The following ARHGEF3 variants were observed in gnomAD, a reference collection of about 807,000 sequenced individuals.
ARHGEF3 encodes Rho guanine nucleotide exchange factor 3, also known as 59.8 kDA protein.
ARHGEF3 carries 28 observed loss-of-function variants against 63.2 expected under a neutral mutation model. The observed-to-expected ratio is 0.44, with a 90% CI of 0.33 to 0.61. The LOEUF (loss-of-function observed/expected upper bound fraction) is 0.61. Ranked by LOEUF, ARHGEF3 falls within the 20% of genes least tolerant of loss-of-function variation. ARHGEF3 has a pLI of 0.03. For missense variants in ARHGEF3, 533 were observed against 659.3 expected, an observed-to-expected ratio of 0.81 and a Z score of 2.10; for synonymous variants, 266 against 254.2, an observed-to-expected ratio of 1.05 and a Z score of -0.44.
intron 2 of ARHGEF3, among the ~76,000 whole-genome samples, chr3:56,991,818 T>A (rs1701755985): frequency 6.6e-6 from 1 of 152,166 alleles, no homozygotes; most frequent in Admixed American, 6.5e-5. Flanking sequence ...TTTCACCATG[T>A]TGGCCAGGCT....
chr3:56,755,260 A>C (rs1578420921), intron 2 of ARHGEF3, 109 bp from the exon 3 acceptor site: 1 of 1,276,184 alleles, frequency 7.8e-7, no homozygotes. Flanking sequence ...TGAAAGAAAA[A>C]GAGGACATTG....
intron 3 of ARHGEF3, among the ~76,000 whole-genome samples, chr3:56,942,979 G>C (rs984491322): frequency 3.9e-5 from 6 of 152,210 alleles, no homozygotes; most frequent in Admixed American, 2.6e-4. Context: ...ACAGAGGTTG[G>C]TTAGTTCATG....
chr3:56,802,651 C>G (rs1191782497), upstream of ARHGEF3, among the ~76,000 whole-genome samples: 1 of 152,128 alleles, frequency 6.6e-6, no homozygotes, highest in Non-Finnish European at 1.5e-5. Context: ...CAGAGGCTGC[C>G]TGACACTCGA....
At chr3:57,001,997 C>T (rs1702214905) in intron 2 of ARHGEF3, among the ~76,000 whole-genome samples, 1 of 139,868 alleles carries the variant, frequency 7.1e-6, no homozygotes, top group African/African-American at 2.6e-5. Context: ...GATCTCGGCT[C>T]ACTGCAAGCT....
chr3:56,733,981 T>C (rs1218765789), intron 8 of ARHGEF3, among the ~76,000 whole-genome samples: 5 of 102,732 alleles, frequency 4.9e-5, no homozygotes, highest in Non-Finnish European at 9.2e-5. Flanking sequence ...CAAAATTCTG[T>C]CTCAAAAAAA....
chr3:57,032,139 C>T lies in ARHGEF3; in HGVS notation c.62+2949G>A, dbSNP rs563277313. On this transcript the variant is annotated intron_variant, in intron 2 of 12. Coordinates refer to the ARHGEF3 transcript ENST00000338458. ...CCTGCACAGCTCAGTTTATGCACTC[C>T]CCATAAGGAAGTATATGTAATCCCC... Among the ~76,000 whole-genome samples the T allele has an allele frequency of 7.9e-5, 12 of 152,136 alleles. No homozygotes were observed. In the South Asian group the frequency reaches 2.5e-3, roughly 32 times the overall value.
At chr3:56,798,195 T>C (rs2037464791) in intron 1 of ARHGEF3, among the ~76,000 whole-genome samples, 1 of 152,234 alleles carries the variant, frequency 6.6e-6, no homozygotes. Context: ...TAAGAACCTA[T>C]ACTTTGGAGA....
At chr3:56,761,941 T>A (rs2035443701) in intron 2 of ARHGEF3, among the ~76,000 whole-genome samples, 1 of 152,192 alleles carries the variant, frequency 6.6e-6, no homozygotes. Flanking sequence ...AAATGAACTG[T>A]AGTTTACTTC....
intron 2 of ARHGEF3, among the ~76,000 whole-genome samples, chr3:57,007,833 A>G (rs1473444459): frequency 6.6e-6 from 1 of 152,194 alleles, no homozygotes; most frequent in East Asian, 1.9e-4. Flanking sequence ...CACAAGAATC[A>G]AACCCTGCCC....
At chr3:57,014,184 G>A (rs561109377) in intron 2 of ARHGEF3, among the ~76,000 whole-genome samples, 24 of 152,224 alleles carry the variant, frequency 1.6e-4, no homozygotes, top group Non-Finnish European at 3.5e-4. Flanking sequence ...GCAAGACCAC[G>A]AACCCACCAG....
At chr3:56,923,097 G>A (rs924560702) in intron 3 of ARHGEF3, among the ~76,000 whole-genome samples, 8 of 144,164 alleles carry the variant, frequency 5.5e-5, no homozygotes, top group Admixed American at 2.2e-4. Context: ...GCATGGTGGC[G>A]TGTGCCTATA....
chr3:56,776,058 G>A (rs909405269), intron 1 of ARHGEF3, among the ~76,000 whole-genome samples: 6 of 152,176 alleles, frequency 3.9e-5, no homozygotes, highest in Admixed American at 3.9e-4. Context: ...GAAGCTGAAA[G>A]GCAAACGCCA....
intron 3 of ARHGEF3, among the ~76,000 whole-genome samples, chr3:56,883,283 T>C (rs2040827834): frequency 6.6e-6 from 1 of 152,010 alleles, no homozygotes. Flanking sequence ...CCAAGTTAGA[T>C]GTGAAAAAGT....
intron 7 of ARHGEF3, among the ~76,000 whole-genome samples, chr3:56,741,137 T>A (rs980471676): frequency 1.6e-4 from 25 of 152,082 alleles, no homozygotes; most frequent in Non-Finnish European, 2.6e-4. Flanking sequence ...TGTTTTGTCT[T>A]TCTATCTACC....
intron 2 of ARHGEF3, among the ~76,000 whole-genome samples, chr3:56,758,702 T>G (rs531884480): frequency 6.6e-6 from 1 of 152,110 alleles, no homozygotes; most frequent in Non-Finnish European, 1.5e-5. Flanking sequence ...ATCCTTGTGA[T>G]CTCTTAAAAA....
chr3:56,781,342 G>A lies in ARHGEF3; in HGVS notation c.97-7526C>T, dbSNP rs1171619977. Among the ~76,000 whole-genome samples, 2 of 151,918 alleles carry A rather than the reference G, an allele frequency of 1.3e-5. 1 individual carries two copies. Among genetic ancestry groups the A allele is most frequent in the South Asian group, 4.1e-4 (2 of 4,824 alleles). On this transcript the variant is annotated intron_variant, in intron 1 of 9. Coordinates refer to ENST00000296315, the MANE Select transcript of ARHGEF3 (RefSeq NM_019555.3). The stretch of plus-strand genomic sequence containing the variant: ...AGCTCACCGCAACCTCCACCTCTGG[G>A]TTCAAGCGATTCTCCTGCCTCAGCC...
At chr3:57,032,793 G>A (rs1009511493) in intron 2 of ARHGEF3, among the ~76,000 whole-genome samples, 13 of 152,196 alleles carry the variant, frequency 8.5e-5, no homozygotes, top group African/African-American at 2.9e-4. Flanking sequence ...AGAAGGAGAA[G>A]CAGATGATCC....
At chr3:56,896,882 G>A (rs973437080) in intron 3 of ARHGEF3, among the ~76,000 whole-genome samples, 4 of 152,198 alleles carry the variant, frequency 2.6e-5, no homozygotes, top group African/African-American at 9.7e-5. Flanking sequence ...CCCAATATTG[G>A]TGACATTGGC....
chr3:56,774,922 A>G, intron 1 of ARHGEF3: 2 of 1,197,896 alleles, frequency 1.7e-6, no homozygotes, highest in Non-Finnish European at 2.2e-6. Flanking sequence ...AACAACAACA[A>G]CAACAAAAAA....
Sources: allele counts gnomAD v4.1 joint callset (sites outside exome capture counted in the v4.1 genomes callset), GRCh38; gene constraint gnomAD v4.1.1; transcripts MANE v1.5; gene names NCBI Gene and HGNC (gene_info 2026-07-23, HGNC 2026-07-21).